The following HSF4 variants were observed in gnomAD, a reference collection of about 807,000 sequenced individuals.
HSF4 encodes the protein heat shock transcription factor 4.
In HSF4, 41 loss-of-function variants were observed where a neutral mutation model predicts 52.0. The observed-to-expected ratio is 0.79, with a 90% CI of 0.61 to 1.02. HSF4 has a LOEUF of 1.02. HSF4 is among the 50% of genes least tolerant of loss of function. HSF4 has a pLI of 0.00. For synonymous variants in HSF4, 285 were observed against 273.0 expected (o/e 1.04, Z -0.43); for missense variants, 610 against 651.1 (o/e 0.94, Z 0.69).
intron 7 of HSF4, 57 bp from the exon 8 acceptor site, chr16:67,167,418 G>T: frequency 6.2e-7 from 1 of 1,613,344 alleles, no homozygotes; most frequent in Non-Finnish European, 8.5e-7. Flanking sequence ...TGTTGGTGGG[G>T]TTCTGGCTCT....
chr16:67,169,908 C>T lies in HSF4; in HGVS notation c.*123C>T, dbSNP rs2031630077. ...ACTAAATGGCCTCTCTCCACTACCC[C>T]GACTATCCCTGCACATAAACTCCGT... On this transcript the variant is annotated 3_prime_UTR_variant, in exon 13 of 13. Transcript: ENST00000521374. The surrounding 1 kb of genome is among the most constrained non-coding windows in gnomAD (Gnocchi z 4.3). 2.1e-6 allele frequency: 2 copies of T among 959,098 alleles called. No homozygotes were observed. Among genetic ancestry groups the T allele is most frequent in the South Asian group, 2.7e-5 (2 of 74,574 alleles). The allele number at this position is 959,098 out of a possible 1,614,324, so 59.4% of individuals were successfully genotyped here. A position where few individuals can be genotyped will look rare whatever the true frequency, so the allele number is the denominator to read the frequency against.
chr16:67,165,907 C>T lies in HSF4; in HGVS notation c.361-39C>T, dbSNP rs763647713. ...AGGGGTGCTGGGACTGCCTGCCTTG[C>T]TCCTGCGACCCAGTCCCGACGGTGC... is the stretch of plus-strand genomic sequence containing the variant. On this transcript the variant is annotated intron_variant, in intron 3 of 12. Coordinates refer to ENST00000521374, the MANE Select transcript of HSF4 (RefSeq NM_001374675.1). This position sits in a 1 kb window ranked among gnomAD's most constrained non-coding sequence, Gnocchi z 6.9. 4 of 1,591,492 alleles carry T rather than the reference C, an allele frequency of 2.5e-6. No individual in the cohort carries two copies. The highest frequency in any genetic ancestry group is 3.4e-6 in the Non-Finnish European group (4 of 1,176,514).
At position 67,165,938 on chromosome 16, in the gene HSF4, G is replaced by C. The variant is rs1346177517; in HGVS notation, c.361-8G>C. 3.8e-6 allele frequency: 6 copies of C among 1,577,856 alleles called. No individual in the cohort carries two copies. Among genetic ancestry groups the C allele is most frequent in the Non-Finnish European group, 5.1e-6 (6 of 1,170,460 alleles). The stretch of plus-strand genomic sequence containing the variant: ...CGACCCAGTCCCGACGGTGCCTCCC[G>C]CCTGCAGGTGCCCGCGCTGCGCGGC... On this transcript the variant is annotated splice_region_variant and splice_polypyrimidine_tract_variant and intron_variant, in intron 3 of 12. Coordinates refer to ENST00000521374, the MANE Select transcript of HSF4 (RefSeq NM_001374675.1). The surrounding 1 kb of genome is among the most constrained non-coding windows in gnomAD (Gnocchi z 6.9).
At position 67,169,337 on chromosome 16, in the gene HSF4, C is replaced by A. The variant is rs2031570243; in HGVS notation, c.1313C>A (p.Ser438Tyr). The A allele has an allele frequency of 6.2e-7, 1 of 1,613,436 alleles. No individual in the cohort carries two copies. Among genetic ancestry groups the A allele is most frequent in the South Asian group, 1.1e-5 (1 of 90,904 alleles). Reference protein sequence around the residue: ...EPELAVKGLNSPSPGKDPTLG... With the variant: ...EPELAVKGLNYPSPGKDPTLG... ...GAGCTGGCGGTCAAGGGGTTAAATT[C>A]TCCAAGCCCAGGTAATGGTTGTGAT... The change falls in exon 12 of 13, where the codon TCT becomes TAT. Residue 438 changes from serine to tyrosine, a missense_variant. Ser to Tyr is a moderately radical substitution (Grantham distance 144, BLOSUM62 -2). Transcript: ENST00000521374. This position sits in a 1 kb window ranked among gnomAD's most constrained non-coding sequence, Gnocchi z 4.3.
At chr16:67,168,054 C>A in intron 9 of HSF4, 107 bp downstream of exon 9, 4 of 958,120 alleles carry the variant, frequency 4.2e-6, no homozygotes, top group Non-Finnish European at 6.4e-6. Context: ...GATTTCTTGG[C>A]CCCAGCATCA....
rs1302905720 is a variant in HSF4, at chr16:67,167,876, G to A, written c.1011G>A (p.Gly337=). 1.8e-5 allele frequency: 29 copies of A among 1,606,724 alleles called. No homozygotes were observed. The highest frequency in any genetic ancestry group is 2.5e-5 in the Non-Finnish European group (29 of 1,177,636). The change falls in exon 9 of 13, where the codon GGG becomes GGA. Residue 337 remains glycine (G), a synonymous_variant. Coordinates refer to ENST00000521374, the MANE Select transcript of HSF4 (RefSeq NM_001374675.1). ...AVVQAILEGK[G]SFSPEGPRNA... ...TGCAGGCCATCCTGGAAGGGAAAGGGAGCTTCAGCCCCGAGGGGCCCAGGA... is the reference window on the plus strand; with the variant it reads ...TGCAGGCCATCCTGGAAGGGAAAGGAAGCTTCAGCCCCGAGGGGCCCAGGA...
upstream of HSF4, chr16:67,164,185 C>T: frequency 1.9e-6 from 1 of 525,594 alleles, no homozygotes. Context: ...TTTCTGCGTC[C>T]TATTAAAGGC....
Position 67,169,303 on chromosome 16 carries a change from G to A in HSF4, c.1279G>A (p.Gly427Ser). ...GATGCAGCCCTTGGTTCCAGAGCGG[G>A]GTGAGCCTGAGCTGGCGGTCAAGGG... is the stretch of plus-strand genomic sequence containing the variant. ...SLMQPLVPERGEPELAVKGLN... is the reference protein window; with the variant it reads ...SLMQPLVPERSEPELAVKGLN... Residue 427 changes from glycine (G) to serine (S), a missense_variant, in exon 12 of 13, where the codon GGT (glycine) becomes AGT (serine). Coordinates refer to ENST00000521374, the MANE Select transcript of HSF4 (RefSeq NM_001374675.1). The surrounding 1 kb of genome is among the most constrained non-coding windows in gnomAD (Gnocchi z 4.3). 6.2e-7 allele frequency: 1 copy of A among 1,613,724 alleles called. No individual in the cohort carries two copies. Among genetic ancestry groups the A allele is most frequent in the Non-Finnish European group, 8.5e-7 (1 of 1,179,980 alleles).
intron 6 of HSF4, 37 bp downstream of exon 6, chr16:67,166,659 C>T: frequency 3.1e-6 from 5 of 1,589,620 alleles, no homozygotes; most frequent in Non-Finnish European, 4.3e-6. Context: ...CACCCACTTC[C>T]AAGACCCCCC....
At chr16:67,166,422 T>G in intron 5 of HSF4, 27 bp downstream of exon 5, 1 of 1,598,320 alleles carries the variant, frequency 6.3e-7, no homozygotes, top group South Asian at 1.1e-5. Flanking sequence ...GCCTCGCTTC[T>G]CCCTCCCACT....
Position 67,167,106 on chromosome 16 carries a change from G to C in HSF4, c.627-14G>C. On this transcript the variant is annotated splice_polypyrimidine_tract_variant and intron_variant, in intron 6 of 12. Coordinates refer to ENST00000521374, the MANE Select transcript of HSF4 (RefSeq NM_001374675.1). ...CCTGCCCCACCCCTGCCTGTGCCCTGATCGACCACACAGGTCCCTGATGCT... is the reference window on the plus strand; with the variant it reads ...CCTGCCCCACCCCTGCCTGTGCCCTCATCGACCACACAGGTCCCTGATGCT... The C allele has an allele frequency of 6.2e-7, 1 of 1,614,058 alleles. No individual in the cohort carries two copies. Among genetic ancestry groups the C allele is most frequent in the Non-Finnish European group, 8.5e-7 (1 of 1,180,002 alleles).
At chr16:67,164,454 C>T, upstream of HSF4, 1 of 511,950 alleles carries the variant, frequency 2.0e-6, no homozygotes, top group South Asian at 1.5e-5. Flanking sequence ...TTGCCCAGCC[C>T]ACACCAGGTC....
chr16:67,169,452 C>T lies in HSF4; in HGVS notation c.1324+104C>T. 6.4e-7 allele frequency: 1 copy of T among 1,568,882 alleles called. No homozygotes were observed. Among genetic ancestry groups the T allele is most frequent in the Non-Finnish European group, 8.6e-7 (1 of 1,158,608 alleles). On this transcript the variant is annotated intron_variant, in intron 12 of 12. Transcript: ENST00000521374. This position sits in a 1 kb window ranked among gnomAD's most constrained non-coding sequence, Gnocchi z 4.3. ...GCAATTTGCAGGGAAATCCTGAGTT[C>T]AGGCTGCACTGCAGAGCGTTCCTTG... is the stretch of plus-strand genomic sequence containing the variant.
chr16:67,164,969 C>G, intron 1 of HSF4, 35 bp downstream of exon 1: 1 of 1,563,426 alleles, frequency 6.4e-7, no homozygotes, highest in Non-Finnish European at 8.6e-7. Flanking sequence ...CCCCTGTGGT[C>G]CCGGGGTCCC....
At chr16:67,166,109 G>T (rs1294074374) in intron 4 of HSF4, 39 bp downstream of exon 4, 1 of 1,495,518 alleles carries the variant, frequency 6.7e-7, no homozygotes, top group Admixed American at 2.0e-5. Context: ...CAGGGGTGGG[G>T]GGTTCGGGAT....
At chr16:67,164,217 G>A (rs940991944), upstream of HSF4, 65 of 466,838 alleles carry the variant, frequency 1.4e-4, no homozygotes, top group Middle Eastern at 3.2e-4. Context: ...TGAAAGGGAA[G>A]GACAGGGAAC....
At position 67,169,133 on chromosome 16, in the gene HSF4, G is replaced by C; in HGVS notation, c.1254+32G>C. 6.2e-7 allele frequency: 1 copy of C among 1,609,526 alleles called. No individual in the cohort carries two copies. The highest frequency in any genetic ancestry group is 8.5e-7 in the Non-Finnish European group (1 of 1,178,984). The stretch of plus-strand genomic sequence containing the variant: ...AGTGGGTCGGGGAGGGCAGAGGCCA[G>C]GGGTGGCTGAGTCAAGCCCTCTGGT... On this transcript the variant is annotated intron_variant, in intron 11 of 12. Coordinates refer to ENST00000521374, the MANE Select transcript of HSF4 (RefSeq NM_001374675.1). This position sits in a 1 kb window ranked among gnomAD's most constrained non-coding sequence, Gnocchi z 4.3.
intron 6 of HSF4, among the ~76,000 whole-genome samples, 196 bp from the exon 7 acceptor site, chr16:67,166,924 C>T (rs1450965732): frequency 2.0e-5 from 3 of 152,192 alleles, no homozygotes; most frequent in African/African-American, 4.8e-5. Flanking sequence ...TTCCCTCCCT[C>T]CCCTCTCTAC....
Position 67,165,425 on chromosome 16 carries a change from G to C in HSF4, c.124-97G>C. 2 of 1,110,788 alleles carry C rather than the reference G, an allele frequency of 1.8e-6. No individual in the cohort carries two copies. The highest frequency in any genetic ancestry group is 2.7e-6 in the Non-Finnish European group (2 of 727,342). 68.8% of individuals were successfully genotyped at this position (1,110,788 alleles called of 1,614,324 possible). A position where few individuals can be genotyped will look rare whatever the true frequency, so the allele number is the denominator to read the frequency against. Reference sequence around the variant, plus strand: ...GGCCTGGACCCAAGAGTGAGCATGAGTGTGTGCGCGCGCTGGAGCGCAGGA... The same window carrying C: ...GGCCTGGACCCAAGAGTGAGCATGACTGTGTGCGCGCGCTGGAGCGCAGGA... On this transcript the variant is annotated intron_variant, in intron 1 of 12. Coordinates refer to ENST00000521374, the MANE Select transcript of HSF4 (RefSeq NM_001374675.1). The surrounding 1 kb of genome is among the most constrained non-coding windows in gnomAD (Gnocchi z 6.9).
Sources: gnomAD v4.1 joint callset for allele counts (sites outside exome capture counted in the v4.1 genomes callset) on GRCh38, gnomAD v4.1.1 for gene constraint, Gnocchi (gnomAD v3.1) non-coding constraint, MANE v1.5 for transcripts, NCBI Gene and HGNC (gene_info 2026-07-23, HGNC 2026-07-21) for gene names.